LYPD6B: variants seen among roughly 807,000 people sequenced by gnomAD.
LYPD6B encodes LY6/PLAUR domain containing 6B.
LYPD6B carries 17 observed loss-of-function variants against 22.8 expected under a neutral mutation model. The ratio of observed to expected loss-of-function variants is 0.75; its 90% CI spans 0.51 to 1.12. The LOEUF (loss-of-function observed/expected upper bound fraction) is 1.12, where lower values mean the gene tolerates loss of function less well. Ranked by LOEUF, LYPD6B falls within the 50% of genes most tolerant of loss-of-function variation. The pLI is 0.00. For missense variants in LYPD6B, 221 were observed against 258.3 expected (o/e 0.86, Z 0.99); for synonymous variants, 106 against 91.6 (o/e 1.16, Z -0.90).
At chr2:149,151,802 T>C (rs548461397) in intron 2 of LYPD6B, among the ~76,000 whole-genome samples, 2 of 152,308 alleles carry the variant, frequency 1.3e-5, no homozygotes, top group African/African-American at 4.8e-5. Flanking sequence ...GTGTAAATGA[T>C]CATCTGAAAA....
intron 1 of LYPD6B, among the ~76,000 whole-genome samples, chr2:149,067,021 C>T (rs1684366748): frequency 6.6e-6 from 1 of 152,108 alleles, no homozygotes; most frequent in African/African-American, 2.4e-5. Flanking sequence ...TCCATGAGTA[C>T]CCAATGTTTA....
intron 1 of LYPD6B, among the ~76,000 whole-genome samples, chr2:149,090,653 T>C (rs1466739456): frequency 6.6e-6 from 1 of 152,072 alleles, no homozygotes. Flanking sequence ...GCCACTTTTC[T>C]TAAAAAAAAA....
intron 1 of LYPD6B, among the ~76,000 whole-genome samples, chr2:149,057,327 C>G (rs959528944): frequency 1.3e-5 from 2 of 151,736 alleles, no homozygotes; most frequent in African/African-American, 2.4e-5. Flanking sequence ...ACAAACCTTT[C>G]AAGTTTAATT....
rs529977418 is a variant in LYPD6B at position 149,151,800 on chromosome 2, G to A, written c.6-8964G>A. Among the ~76,000 whole-genome samples the A allele has an allele frequency of 2.6e-5, 4 of 152,268 alleles. No homozygotes were observed. In the South Asian group the frequency reaches 8.3e-4, roughly 32 times the overall value. ...TTGGTTTCTGCGGTGCTGTGTAAAT[G>A]ATCATCTGAAAATGCAGATGAGGCT... On this transcript the variant is annotated intron_variant, in intron 2 of 6. Coordinates refer to ENST00000409642, the MANE Select transcript of LYPD6B (RefSeq NM_177964.5).
chr2:149,062,047 C>T lies in LYPD6B; in HGVS notation c.-67+23246C>T, dbSNP rs1051991870. ...TAAAAATGGCGCAATCCCAGCTCTG[C>T]GCCATCTCAGCTCACCACAAACTCC... On this transcript the variant is annotated intron_variant, in intron 1 of 6. Transcript: ENST00000409642. Among the ~76,000 whole-genome samples the T allele has an allele frequency of 3.3e-5, 5 of 151,400 alleles. No individual in the cohort carries two copies. The East Asian group carries it at 7.8e-4, about 24-fold the overall frequency.
intron 3 of LYPD6B, among the ~76,000 whole-genome samples, chr2:149,166,739 T>G (rs902597358): frequency 6.6e-6 from 1 of 152,122 alleles, no homozygotes; most frequent in African/African-American, 2.4e-5. Flanking sequence ...TTTGCACTCA[T>G]GAGAATTTGC....
intron 1 of LYPD6B, among the ~76,000 whole-genome samples, chr2:149,041,998 C>T (rs945056244): frequency 6.6e-6 from 1 of 152,184 alleles, no homozygotes; most frequent in Non-Finnish European, 1.5e-5. Context: ...TGAAAAGCCT[C>T]ACATATGATT....
chr2:149,200,595 C>T (rs954837921), intron 3 of LYPD6B: 1 of 152,152 alleles, frequency 6.6e-6, no homozygotes, highest in Non-Finnish European at 1.5e-5. Flanking sequence ...TTCCTGAAGA[C>T]CCCGTCAACT....
intron 1 of LYPD6B, among the ~76,000 whole-genome samples, chr2:149,095,134 A>G (rs1685844658): frequency 6.6e-6 from 1 of 152,074 alleles, no homozygotes; most frequent in Non-Finnish European, 1.5e-5. Context: ...CGTCTCTACT[A>G]AAAATATAAA....
At chr2:149,085,042 T>TTAGTA (rs765033316) in intron 1 of LYPD6B, among the ~76,000 whole-genome samples, 36 of 152,294 alleles carry the variant, frequency 2.4e-4, no homozygotes, top group Admixed American at 1.2e-3. Context: ...TGCTTACCAG[T>TTAGTA]TAGTATGTGC....
At chr2:149,129,351 G>A (rs993117227) in intron 1 of LYPD6B, among the ~76,000 whole-genome samples, 5 of 152,308 alleles carry the variant, frequency 3.3e-5, no homozygotes, top group African/African-American at 1.2e-4. Context: ...TAGGAAGCAG[G>A]ATGTTTCTTG....
chr2:149,208,400 T>C lies in LYPD6B; in HGVS notation c.316T>C (p.Trp106Arg). The C allele has an allele frequency of 1.2e-6, 2 of 1,613,002 alleles. No homozygotes were observed. The highest frequency in any genetic ancestry group is 1.1e-5 in the South Asian group (1 of 91,046). ...CTGCAATCGATGGGCAGAAGACAAA[T>C]GGTGTCCACAAAGTAAGTGTGCTGA... Reference protein sequence around the residue: ...YNCNRWAEDKWCPQNTQYCLT... With the variant: ...YNCNRWAEDKRCPQNTQYCLT... The change falls in exon 5 of 7, where the codon TGG (tryptophan) becomes CGG (arginine). Residue 106 changes from tryptophan to arginine, a missense_variant. By Grantham distance (101) the Trp-to-Arg change is moderately radical. Coordinates refer to ENST00000409642, the MANE Select transcript of LYPD6B (RefSeq NM_177964.5).
At chr2:149,182,083 C>T (rs757506796) in intron 3 of LYPD6B, among the ~76,000 whole-genome samples, 13 of 152,106 alleles carry the variant, frequency 8.5e-5, no homozygotes, top group Admixed American at 3.3e-4. Context: ...CCTACCTCAC[C>T]ATGTGGTTGT....
chr2:149,214,736 G>A lies in LYPD6B; in HGVS notation c.*26G>A, dbSNP rs766531794. The A allele has an allele frequency of 1.4e-5, 22 of 1,612,066 alleles. No individual in the cohort carries two copies. Among genetic ancestry groups the A allele is most frequent in the Non-Finnish European group, 3.4e-6 (4 of 1,178,436 alleles). On this transcript the variant is annotated 3_prime_UTR_variant, in exon 7 of 7. Transcript: ENST00000409642. The stretch of plus-strand genomic sequence containing the variant: ...TGCCACCATTCCTAGGAGAGGCAGA[G>A]ACCAGCCTCTAAAGCACAAGCCAAA...
chr2:149,140,089 G>A (rs73017039), intron 2 of LYPD6B, among the ~76,000 whole-genome samples: 1,713 of 152,216 alleles, frequency 0.011, 25 homozygotes, highest in African/African-American at 0.038. Context: ...ACCAGGCTGT[G>A]TATAAATTCA....
chr2:149,153,789 A>G (rs1198006303), intron 2 of LYPD6B, among the ~76,000 whole-genome samples: 1 of 151,474 alleles, frequency 6.6e-6, no homozygotes, highest in Admixed American at 6.6e-5. Context: ...AAAAAAAAAA[A>G]AGAAGAAGTC....
intron 1 of LYPD6B, among the ~76,000 whole-genome samples, chr2:149,126,594 T>C: frequency 6.6e-6 from 1 of 150,788 alleles, no homozygotes; most frequent in Non-Finnish European, 1.5e-5. Context: ...AGAGGAGGGG[T>C]GGGTCTTGCA....
chr2:149,210,298 C>T (rs371356278), intron 5 of LYPD6B, among the ~76,000 whole-genome samples: 2 of 152,116 alleles, frequency 1.3e-5, no homozygotes, highest in East Asian at 3.9e-4. Flanking sequence ...CTTTCCACCA[C>T]CAAGAAAACA....
chr2:149,212,771 G>A (rs114120445), intron 5 of LYPD6B, among the ~76,000 whole-genome samples: 321 of 152,180 alleles, frequency 2.1e-3, no homozygotes, highest in African/African-American at 7.4e-3. Flanking sequence ...GCCCATTTAC[G>A]TTCATTTTCA....
Sources: allele counts gnomAD v4.1 joint callset (sites outside exome capture counted in the v4.1 genomes callset), GRCh38; gene constraint gnomAD v4.1.1; transcripts MANE v1.5; gene names NCBI Gene and HGNC (gene_info 2026-07-23, HGNC 2026-07-21).